Variants in PDE8B observed in about 807,000 individuals in gnomAD.
The protein encoded by PDE8B is phosphodiesterase 8B.
Under a neutral mutation model 101.3 loss-of-function variants are expected in PDE8B, and 26 were observed. That is an observed-to-expected ratio of 0.26 (90% CI 0.19 to 0.36). The LOEUF is 0.36. PDE8B is among the 10% of genes least tolerant of loss of function. The probability of loss-of-function intolerance (pLI) is 1.00; values close to 1 mark genes in which losing one functional copy is unlikely to be tolerated. For synonymous variants in PDE8B, 424 were observed against 429.3 expected (o/e 0.99, Z 0.15); for missense variants, 810 against 1,163.1 (o/e 0.70, Z 4.42).
At chr5:77,117,308 T>G in the PDE8B span, among the ~76,000 whole-genome samples, 1 of 152,212 alleles carries the variant, frequency 6.6e-6, no homozygotes, top group African/African-American at 2.4e-5. Context: ...TATGCATTTT[T>G]TTTCAATCGG....
At chr5:77,097,164 GA>G in the PDE8B span, among the ~76,000 whole-genome samples, 1 of 152,152 alleles carries the variant, frequency 6.6e-6, no homozygotes, top group Non-Finnish European at 1.5e-5. Context: ...AAGGAGGGAG[GA>G]AAAGAGAGAA....
chr5:77,329,140 T>C, intron 4 of PDE8B, 83 bp downstream of exon 4: 1 of 1,055,810 alleles, frequency 9.5e-7, no homozygotes, highest in South Asian at 1.3e-5. Flanking sequence ...TTTTGAGCTA[T>C]CTAAGCAATG....
chr5:77,186,376 C>T, the PDE8B span, among the ~76,000 whole-genome samples: 11 of 152,182 alleles, frequency 7.2e-5, no homozygotes, highest in African/African-American at 1.9e-4. Flanking sequence ...ACAGTTAAGA[C>T]AATGAGAATT....
chr5:77,247,980 A>T (rs35309506), intron 1 of PDE8B, among the ~76,000 whole-genome samples: 1 of 152,160 alleles, frequency 6.6e-6, no homozygotes. Context: ...AAAAGCCCAC[A>T]GCACTTCACC....
intron 4 of PDE8B, among the ~76,000 whole-genome samples, chr5:77,329,830 C>T (rs1194216208): frequency 6.6e-6 from 1 of 152,128 alleles, no homozygotes; most frequent in Non-Finnish European, 1.5e-5. Context: ...TGGCATTTGG[C>T]ACAAATTCTG....
At chr5:77,418,541 G>C in intron 18 of PDE8B, 95 bp downstream of exon 18, 2 of 844,094 alleles carry the variant, frequency 2.4e-6, no homozygotes, top group Non-Finnish European at 4.0e-6. Flanking sequence ...GAAAATATTA[G>C]CTGTCCCACT....
intron 10 of PDE8B, among the ~76,000 whole-genome samples, chr5:77,390,367 G>C (rs1789649241): frequency 6.6e-6 from 1 of 152,188 alleles, no homozygotes; most frequent in African/African-American, 2.4e-5. Context: ...CCAAGGACTT[G>C]CTGAGGAATC....
At chr5:77,203,459 A>C in the PDE8B span, among the ~76,000 whole-genome samples, 1 of 152,204 alleles carries the variant, frequency 6.6e-6, no homozygotes, top group Non-Finnish European at 1.5e-5. Flanking sequence ...CCCTCACAGC[A>C]CCTGGCACAG....
At chr5:77,279,982 T>G (rs1301248430) in intron 1 of PDE8B, among the ~76,000 whole-genome samples, 1 of 152,184 alleles carries the variant, frequency 6.6e-6, no homozygotes, top group Non-Finnish European at 1.5e-5. Flanking sequence ...ATTTCTGGAT[T>G]ATAGATAGCA....
chr5:77,102,643 A>G, the PDE8B span, among the ~76,000 whole-genome samples: 1 of 152,166 alleles, frequency 6.6e-6, no homozygotes, highest in Non-Finnish European at 1.5e-5. Flanking sequence ...AGGGCTCCTG[A>G]CACAGTGCCT....
chr5:77,291,755 C>T lies in PDE8B; in HGVS notation c.340-20239C>T, dbSNP rs1207478018. The T allele has an allele frequency of 1.9e-6, 3 of 1,583,512 alleles. No homozygotes were observed. The African/African-American group carries it at 4.0e-5, about 21-fold the overall frequency. On this transcript the variant is annotated intron_variant, in intron 1 of 21. Transcript: ENST00000264917. Reference sequence around the variant, plus strand: ...ACATGAGAAGGTCTACTTGTACTATCAACTACAGTAAAGACTTTCCTCTGG... The same window carrying T: ...ACATGAGAAGGTCTACTTGTACTATTAACTACAGTAAAGACTTTCCTCTGG...
the PDE8B span, among the ~76,000 whole-genome samples, chr5:77,202,964 C>T: frequency 6.6e-6 from 1 of 152,096 alleles, no homozygotes; most frequent in Admixed American, 6.6e-5. Context: ...GCAGTTGGTG[C>T]CCCTAACACT....
chr5:77,302,632 C>G, intron 1 of PDE8B, among the ~76,000 whole-genome samples: 1 of 152,302 alleles, frequency 6.6e-6, no homozygotes, highest in South Asian at 2.1e-4. Flanking sequence ...TAAAAACCCT[C>G]ACCTCATTTA....
chr5:77,354,511 C>T (rs1426394560), intron 10 of PDE8B, among the ~76,000 whole-genome samples: 4 of 152,124 alleles, frequency 2.6e-5, no homozygotes, highest in African/African-American at 7.2e-5. Context: ...TTGCTACATA[C>T]CAGGAGAAAG....
chr5:77,378,156 A>G (rs964914383), intron 10 of PDE8B, among the ~76,000 whole-genome samples: 1 of 152,086 alleles, frequency 6.6e-6, no homozygotes, highest in African/African-American at 2.4e-5. Context: ...CCCCAGGTTT[A>G]TACAACTAGA....
At chr5:77,331,629 A>C (rs530627347) in intron 5 of PDE8B, among the ~76,000 whole-genome samples, 170 bp downstream of exon 5, 2 of 152,212 alleles carry the variant, frequency 1.3e-5, no homozygotes, top group Admixed American at 6.5e-5. Flanking sequence ...AGCAGCTGCC[A>C]GTCGAGCTCT....
intron 10 of PDE8B, among the ~76,000 whole-genome samples, chr5:77,398,694 G>A (rs1581480077): frequency 6.6e-6 from 1 of 152,226 alleles, no homozygotes; most frequent in Admixed American, 6.5e-5. Flanking sequence ...CTGGCTGCCT[G>A]CTGCCCTTCC....
At chr5:77,357,350 C>T (rs1782298590) in intron 10 of PDE8B, among the ~76,000 whole-genome samples, 2 of 152,192 alleles carry the variant, frequency 1.3e-5, no homozygotes, top group African/African-American at 2.4e-5. Context: ...CTTAGAAACC[C>T]TTTAGCCATG....
chr5:77,139,363 C>G, the PDE8B span: 2 of 152,284 alleles, frequency 1.3e-5, no homozygotes, highest in African/African-American at 4.8e-5. Context: ...TCAGCTGAAC[C>G]AGGCCCAAGT....
Sources: gnomAD v4.1 joint callset for allele counts (sites outside exome capture counted in the v4.1 genomes callset) on GRCh38, gnomAD v4.1.1 for gene constraint, MANE v1.5 for transcripts, NCBI Gene and HGNC (gene_info 2026-07-23, HGNC 2026-07-21) for gene names.